The following SS18L1 variants were observed in gnomAD, a reference collection of about 807,000 sequenced individuals.
SS18L1 encodes SS18L1 subunit of BAF chromatin remodeling complex.
In SS18L1, 32 loss-of-function variants were observed where a neutral mutation model predicts 70.3. The ratio of observed to expected loss-of-function variants is 0.46; its 90% CI spans 0.34 to 0.61. The LOEUF (loss-of-function observed/expected upper bound fraction) is 0.61. Ranked by LOEUF, SS18L1 falls within the 20% of genes least tolerant of loss-of-function variation. SS18L1 has a pLI of 0.01. For missense variants in SS18L1, 430 were observed against 542.1 expected (o/e 0.79, Z 2.05); for synonymous variants, 237 against 229.7 (o/e 1.03, Z -0.29).
Position 62,174,398 on chromosome 20 carries a change from C to A in SS18L1, c.1037-119C>A. The A allele has an allele frequency of 6.9e-7, 1 of 1,454,780 alleles. No homozygotes were observed. The highest frequency in any genetic ancestry group is 2.5e-5 in the East Asian group (1 of 40,494). The allele number at this position is 1,454,780 out of a possible 1,614,324, so 90.1% of individuals were successfully genotyped here. A position where few individuals can be genotyped will look rare whatever the true frequency, so the allele number is the denominator to read the frequency against. ...TCTGGAGATTGACAAAAGGCTGATG[C>A]ATTGAGACGGGAATTTTTCAAGGAG... is the stretch of plus-strand genomic sequence containing the variant. On this transcript the variant is annotated intron_variant, in intron 9 of 10. Transcript: ENST00000331758. This position sits in a 1 kb window ranked among gnomAD's most constrained non-coding sequence, Gnocchi z 4.1.
chr20:62,147,449 C>T (rs894905823), intron 1 of SS18L1, among the ~76,000 whole-genome samples: 1 of 152,164 alleles, frequency 6.6e-6, no homozygotes, highest in Non-Finnish European at 1.5e-5. Context: ...TGGGGCTGGG[C>T]CTGCAGTGGT....
intron 4 of SS18L1, among the ~76,000 whole-genome samples, chr20:62,162,302 C>G (rs937882959): frequency 6.8e-6 from 1 of 147,450 alleles, no homozygotes; most frequent in Non-Finnish European, 1.5e-5. Context: ...GCTTTGTTTT[C>G]TTTTCTTTTT....
chr20:62,176,108 G>A (rs1040262631), intron 10 of SS18L1, among the ~76,000 whole-genome samples: 2 of 152,242 alleles, frequency 1.3e-5, no homozygotes, highest in African/African-American at 4.8e-5. Context: ...CTGATGAGAC[G>A]CCATACCTCC....
intron 1 of SS18L1, among the ~76,000 whole-genome samples, chr20:62,156,208 C>T (rs776642996): frequency 1.2e-4 from 18 of 152,184 alleles, no homozygotes; most frequent in Admixed American, 7.8e-4. Flanking sequence ...GTGTCTAGTT[C>T]GTGTCCCTGG....
rs189900283 is a variant in SS18L1 at position 62,152,837 on chromosome 20, G to A, written c.70-5835G>A. Among the ~76,000 whole-genome samples the A allele has an allele frequency of 2.0e-4, 30 of 152,236 alleles. 1 individual carries two copies. Among genetic ancestry groups the A allele is most frequent in the Admixed American group, 7.8e-4 (12 of 15,288 alleles). On this transcript the variant is annotated intron_variant, in intron 1 of 10. Coordinates refer to ENST00000331758, the MANE Select transcript of SS18L1 (RefSeq NM_198935.3). ...ACAGACACATAAGAAACTACGAATCGACAACCTCCAGAGTGGGGGCCACAG... is the reference window on the plus strand; with the variant it reads ...ACAGACACATAAGAAACTACGAATCAACAACCTCCAGAGTGGGGGCCACAG...
At chr20:62,167,792 C>G (rs1212834627) in intron 8 of SS18L1, among the ~76,000 whole-genome samples, 2 of 151,726 alleles carry the variant, frequency 1.3e-5, no homozygotes, top group Middle Eastern at 3.2e-3. Flanking sequence ...TGCTGCTCAG[C>G]CTTTTAGTGT....
chr20:62,158,592 A>G lies in SS18L1; in HGVS notation c.70-80A>G. 1.3e-6 allele frequency: 2 copies of G among 1,557,286 alleles called. No individual in the cohort carries two copies. Among genetic ancestry groups the G allele is most frequent in the South Asian group, 2.3e-5 (2 of 87,334 alleles). ...GGGACGCTCAACCTATATGAAAACT[A>G]GATGTGTAGCGATGGCTGTTCATCC... On this transcript the variant is annotated intron_variant, in intron 1 of 10. Transcript: ENST00000331758. The surrounding 1 kb of genome is among the most constrained non-coding windows in gnomAD (Gnocchi z 4.5).
chr20:62,155,970 CT>C (rs1288690405), intron 1 of SS18L1, among the ~76,000 whole-genome samples: 2 of 152,098 alleles, frequency 1.3e-5, no homozygotes, highest in Non-Finnish European at 2.9e-5. Flanking sequence ...CTGTCCTGCC[CT>C]TTTTCAAGTG....
chr20:62,165,163 G>C (rs1474150935), intron 7 of SS18L1, among the ~76,000 whole-genome samples: 1 of 152,234 alleles, frequency 6.6e-6, no homozygotes, highest in Non-Finnish European at 1.5e-5. Flanking sequence ...TGTGTGGCAG[G>C]CACTGAAAGC....
chr20:62,146,605 A>AATTTTTTT (rs2057031669), intron 1 of SS18L1, among the ~76,000 whole-genome samples: 1 of 79,714 alleles, frequency 1.3e-5, no homozygotes, highest in African/African-American at 5.2e-5. Flanking sequence ...TGCTTTGATC[A>AATTTTTTT]TTTTTTTTTT....
chr20:62,169,055 G>A lies in SS18L1; in HGVS notation c.916+3541G>A, dbSNP rs1035935567. ...TGCTGGGCAGGAGCATCGGGATGTG[G>A]TGCTCGGTGGGGGAGGGGCCAGGAG... On this transcript the variant is annotated intron_variant, in intron 8 of 10. Coordinates refer to ENST00000331758, the MANE Select transcript of SS18L1 (RefSeq NM_198935.3). 2.6e-5 allele frequency among the ~76,000 whole-genome samples: 4 copies of A among 152,296 alleles called. No individual in the cohort carries two copies. In the South Asian group the frequency reaches 6.2e-4, roughly 24 times the overall value.
In SS18L1 at chr20:62,161,114, G is replaced by A. The variant is rs2057322601; in HGVS notation, c.232-322G>A. Among the ~76,000 whole-genome samples the A allele has an allele frequency of 6.6e-6, 1 of 151,644 alleles. No homozygotes were observed. On this transcript the variant is annotated intron_variant, in intron 3 of 10. Transcript: ENST00000331758. This position sits in a 1 kb window ranked among gnomAD's most constrained non-coding sequence, Gnocchi z 4.4. ...CACCTGCGCCCGAGGGGGACGGGGT[G>A]CGTTCAGCCTGGTGGGCCGGGAAAG...
intron 1 of SS18L1, among the ~76,000 whole-genome samples, chr20:62,144,288 G>A (rs1231439302): frequency 6.6e-6 from 1 of 152,090 alleles, no homozygotes; most frequent in Non-Finnish European, 1.5e-5. Context: ...CCGCGGCGAG[G>A]GCTTGTCGCG....
At chr20:62,173,544 T>C (rs1361358719) in intron 9 of SS18L1, among the ~76,000 whole-genome samples, 1 of 151,482 alleles carries the variant, frequency 6.6e-6, no homozygotes, top group Non-Finnish European at 1.5e-5. Flanking sequence ...ACCTCGTCTC[T>C]ACTAAAAATA....
chr20:62,160,092 C>T, intron 3 of SS18L1, 131 bp downstream of exon 3: 1 of 917,896 alleles, frequency 1.1e-6, no homozygotes. Flanking sequence ...ACTAGAGCCA[C>T]CAGAAATGGG....
At chr20:62,177,725 T>A (rs920835708) in intron 10 of SS18L1, among the ~76,000 whole-genome samples, 1 of 152,180 alleles carries the variant, frequency 6.6e-6, no homozygotes, top group Non-Finnish European at 1.5e-5. Flanking sequence ...TCATGTTGTT[T>A]TTTGTTGTTG....
chr20:62,175,020 G>C (rs1207488483), intron 10 of SS18L1: 1 of 782,344 alleles, frequency 1.3e-6, no homozygotes. Flanking sequence ...GACATAAGGT[G>C]GTCCCACAGG....
intron 1 of SS18L1, among the ~76,000 whole-genome samples, chr20:62,155,061 C>G (rs1280489643): frequency 6.6e-6 from 1 of 152,168 alleles, no homozygotes; most frequent in Non-Finnish European, 1.5e-5. Flanking sequence ...CATCACTGCA[C>G]CGGCTGACTT....
intron 8 of SS18L1, among the ~76,000 whole-genome samples, chr20:62,171,055 C>T (rs1458311803): frequency 6.7e-6 from 1 of 149,030 alleles, no homozygotes; most frequent in African/African-American, 2.5e-5. Context: ...GCTCCCGCCA[C>T]CATGCCGGGC....
Sources: gnomAD v4.1 joint callset for allele counts (sites outside exome capture counted in the v4.1 genomes callset) on GRCh38, gnomAD v4.1.1 for gene constraint, Gnocchi (gnomAD v3.1) non-coding constraint, MANE v1.5 for transcripts, NCBI Gene and HGNC (gene_info 2026-07-23, HGNC 2026-07-21) for gene names.